Variants in AMY2B observed in about 807,000 individuals in gnomAD.
AMY2B encodes the protein alpha-amylase 2B.
In AMY2B, 63 loss-of-function variants were observed where a neutral mutation model predicts 59.3. The ratio of observed to expected loss-of-function variants is 1.06; its 90% CI spans 0.87 to 1.31. AMY2B has a LOEUF of 1.31. AMY2B is among the 50% of genes most tolerant of loss of function. The pLI is 0.00. For missense variants in AMY2B, 635 were observed against 626.7 expected (o/e 1.01, Z -0.14); for synonymous variants, 180 against 198.1 (o/e 0.91, Z 0.77).
chr1:103,567,754 C>T (rs1651959201), upstream of AMY2B, among the ~76,000 whole-genome samples: 1 of 152,194 alleles, frequency 6.6e-6, no homozygotes, highest in Admixed American at 6.5e-5. Context: ...CAAGGTTCTA[C>T]ATGATCTGGC....
At chr1:103,561,967 T>TG (rs1348681746) in intron 1 of AMY2B, 1 of 152,186 alleles carries the variant, frequency 6.6e-6, no homozygotes. Context: ...ATCTATAAGA[T>TG]TCTAAATTCA....
chr1:103,570,853 A>G (rs752695128), upstream of AMY2B: 16 of 396,276 alleles, frequency 4.0e-5, no homozygotes, highest in Non-Finnish European at 7.4e-5. Context: ...CTTGTTCCTG[A>G]TTTTGACATT....
chr1:103,563,020 C>G (rs910342555), intron 1 of AMY2B, among the ~76,000 whole-genome samples: 2 of 151,944 alleles, frequency 1.3e-5, no homozygotes, highest in South Asian at 2.1e-4. Flanking sequence ...AAAATAGATA[C>G]CTCATATATG....
intron 1 of AMY2B, among the ~76,000 whole-genome samples, chr1:103,557,064 A>G (rs1455657688): frequency 6.6e-6 from 1 of 152,118 alleles, no homozygotes; most frequent in Non-Finnish European, 1.5e-5. Flanking sequence ...AAGCTGCAAA[A>G]TGTCCCACCC....
At chr1:103,572,378 T>G in intron 2 of AMY2B, 122 bp downstream of exon 2, 1 of 1,478,036 alleles carries the variant, frequency 6.8e-7, no homozygotes, top group Admixed American at 2.4e-5. Context: ...ACTTCATACT[T>G]TAAAACTCAA....
At chr1:103,570,240 C>T (rs1046664396), upstream of AMY2B, 2 of 532,326 alleles carry the variant, frequency 3.8e-6, no homozygotes, top group Non-Finnish European at 7.5e-6. Context: ...TGGCCACTGC[C>T]ACATCCTCCT....
At chr1:103,575,168 C>T (rs1327194154) in intron 5 of AMY2B, 55 bp from the exon 6 acceptor site, 44 of 1,609,458 alleles carry the variant, frequency 2.7e-5, no homozygotes, top group Middle Eastern at 2.0e-4. Flanking sequence ...AGTTAAGTTA[C>T]TCGCAAACTA....
intron 1 of AMY2B, among the ~76,000 whole-genome samples, chr1:103,563,174 TGA>T (rs967384244): frequency 6.6e-6 from 1 of 152,112 alleles, no homozygotes; most frequent in Non-Finnish European, 1.5e-5. Flanking sequence ...AAATCTTTAG[TGA>T]CTATTGCTTT....
rs188407665 is a variant in AMY2B at position 103,577,214 on chromosome 1, G to T, written c.1102-276G>T. On this transcript the variant is annotated intron_variant, in intron 7 of 9. Transcript: ENST00000684275. ...GATTATGCCACTGTACTCCAGCCTG[G>T]GTGACAGAGCAAAGAAGCCTTTGCA... 3.2e-4 allele frequency among the ~76,000 whole-genome samples: 48 copies of T among 152,268 alleles called. No homozygotes were observed. The East Asian group carries it at 9.3e-3, about 29-fold the overall frequency.
intron 2 of AMY2B, among the ~76,000 whole-genome samples, chr1:103,572,505 T>G (rs1652175788): frequency 6.6e-6 from 1 of 152,226 alleles, no homozygotes; most frequent in Non-Finnish European, 1.5e-5. Context: ...AAATTTTAAC[T>G]TTTATACCTA....
chr1:103,575,246 T>C lies in AMY2B; in HGVS notation c.902T>C (p.Phe301Ser), dbSNP rs1248035554. The C allele has an allele frequency of 3.1e-6, 5 of 1,613,630 alleles. No individual in the cohort carries two copies. The highest frequency in any genetic ancestry group is 4.2e-6 in the Non-Finnish European group (5 of 1,179,666). ...AGGAACTGGGGAGAAGGTTGGGGTT[T>C]CATGCCTTCTGACAGAGCACTTGTC... is the stretch of plus-strand genomic sequence containing the variant. ...YLKNWGEGWG[F>S]MPSDRALVFV... Residue 301 changes from phenylalanine (F) to serine (S), a missense_variant, in exon 6 of 10, where the codon TTC (phenylalanine) becomes TCC (serine). Coordinates refer to ENST00000684275, the MANE Select transcript of AMY2B (RefSeq NM_001387437.1).
At position 103,577,270 on chromosome 1, in the gene AMY2B, A is replaced by G. The variant is rs555771729; in HGVS notation, c.1102-220A>G. 36 of 961,030 alleles carry G rather than the reference A, an allele frequency of 3.7e-5. 1 individual carries two copies. In the South Asian group the frequency reaches 5.9e-4, roughly 16 times the overall value. 59.5% of individuals were successfully genotyped at this position (961,030 alleles called of 1,614,324 possible). A position where few individuals can be genotyped will look rare whatever the true frequency, so the allele number is the denominator to read the frequency against. ...TTGGAATGAAAAGGAGAGGATAACA[A>G]TTTGTTACCTTTGTTTGAAATATGG... is the stretch of plus-strand genomic sequence containing the variant. On this transcript the variant is annotated intron_variant, in intron 7 of 9. Coordinates refer to ENST00000684275, the MANE Select transcript of AMY2B (RefSeq NM_001387437.1).
chr1:103,568,283 C>A (rs1351139136), upstream of AMY2B: 1 of 152,152 alleles, frequency 6.6e-6, no homozygotes. Flanking sequence ...TGTACTATTA[C>A]TCCCTTTCAT....
At chr1:103,557,071 AC>A (rs1651576098) in intron 1 of AMY2B, among the ~76,000 whole-genome samples, 1 of 151,986 alleles carries the variant, frequency 6.6e-6, no homozygotes, top group East Asian at 1.9e-4. Context: ...AAAATGTCCC[AC>A]CCTATATTTT....
chr1:103,562,787 A>T (rs1651777016), intron 1 of AMY2B, among the ~76,000 whole-genome samples: 1 of 151,466 alleles, frequency 6.6e-6, no homozygotes, highest in Non-Finnish European at 1.5e-5. Flanking sequence ...AATAACTGAT[A>T]GTTATATAAG....
intron 7 of AMY2B, among the ~76,000 whole-genome samples, chr1:103,576,540 T>A (rs1652361130): frequency 6.6e-6 from 1 of 152,152 alleles, no homozygotes; most frequent in Non-Finnish European, 1.5e-5. Flanking sequence ...ATGACATAAT[T>A]CTAAGGTCAA....
At chr1:103,558,038 T>G (rs1344413730) in intron 1 of AMY2B, among the ~76,000 whole-genome samples, 1 of 152,242 alleles carries the variant, frequency 6.6e-6, no homozygotes, top group African/African-American at 2.4e-5. Flanking sequence ...TGTTAGTTTT[T>G]ATTTCTGATC....
chr1:103,573,018 C>G, intron 2 of AMY2B, 45 bp from the exon 3 acceptor site: 1 of 1,611,854 alleles, frequency 6.2e-7, no homozygotes, highest in South Asian at 1.1e-5. Flanking sequence ...CTTTAAATTT[C>G]TGCCTCTCTG....
chr1:103,554,825 A>G (rs1651494037), exon 1 of AMY2B: 1 of 152,654 alleles, frequency 6.6e-6, no homozygotes, highest in Non-Finnish European at 1.5e-5. Flanking sequence ...TAGATTTTGA[A>G]AATGTAATTA....
Sources: gnomAD v4.1 joint callset for allele counts (sites outside exome capture counted in the v4.1 genomes callset) on GRCh38, gnomAD v4.1.1 for gene constraint, MANE v1.5 for transcripts, NCBI Gene and HGNC (gene_info 2026-07-23, HGNC 2026-07-21) for gene names.